The following TUBGCP2 variants were observed in gnomAD, a reference collection of about 807,000 sequenced individuals.
TUBGCP2 encodes gamma-tubulin complex component 2.
Under a neutral mutation model 92.2 loss-of-function variants are expected in TUBGCP2, and 55 were observed. The ratio of observed to expected loss-of-function variants is 0.60; its 90% CI spans 0.48 to 0.75. The LOEUF (loss-of-function observed/expected upper bound fraction) is 0.75. Ranked by LOEUF, TUBGCP2 falls within the 30% of genes least tolerant of loss-of-function variation. The pLI, the probability that TUBGCP2 is intolerant of heterozygous loss-of-function variation, is 0.00. For synonymous variants in TUBGCP2, 533 were observed against 505.2 expected (o/e 1.06, Z -0.74); for missense variants, 1,093 against 1,188.9 (o/e 0.92, Z 1.19).
At chr10:133,282,401 G>GA (rs1847007363) in intron 15 of TUBGCP2, 59 bp from the exon 16 acceptor site, 4 of 1,525,792 alleles carry the variant, frequency 2.6e-6, no homozygotes, top group Admixed American at 2.1e-5. Flanking sequence ...ATGCTTTGCA[G>GA]AAAAAACAAG....
chr10:133,312,003 G>T, upstream of TUBGCP2: 1 of 1,594,630 alleles, frequency 6.3e-7, no homozygotes. Context: ...GATATCTCAG[G>T]TCCTGTGAAT....
intron 4 of TUBGCP2, 26 bp downstream of exon 4, chr10:133,299,401 C>G: frequency 6.5e-7 from 1 of 1,548,952 alleles, no homozygotes; most frequent in Non-Finnish European, 8.7e-7. Flanking sequence ...CAGCATGGAG[C>G]CTGTGGACAG....
chr10:133,299,344 G>A (rs1313310734), intron 4 of TUBGCP2, 83 bp downstream of exon 4: 3 of 1,241,496 alleles, frequency 2.4e-6, no homozygotes, highest in Non-Finnish European at 3.3e-6. Context: ...GCCCGGCACA[G>A]CACTGAGTGT....
At chr10:133,310,628 C>A (rs920723231), upstream of TUBGCP2, 4 of 336,164 alleles carry the variant, frequency 1.2e-5, no homozygotes, top group African/African-American at 8.5e-5. Flanking sequence ...GTCATCCGCA[C>A]TCACACCCCT....
In TUBGCP2 at chr10:133,289,720, CCACAGGGTGAGG is replaced by C. The variant is rs917830668; in HGVS notation, c.1360+92_1360+103del. 17 of 1,357,284 alleles carry C rather than the reference CCACAGGGTGAGG, an allele frequency of 1.3e-5. No homozygotes were observed. The African/African-American group carries it at 2.6e-4, about 21-fold the overall frequency. The allele number at this position is 1,357,284 out of a possible 1,614,324, so 84.1% of individuals were successfully genotyped here. ...TCACGGACACCAGGGCTCAGGGCAA[CCACAGGGTGAGG>C]CACAGGCTCCCGGTGGGAGGGCCTG... On this transcript the variant is annotated intron_variant, in intron 9 of 17. Coordinates refer to ENST00000252936, the MANE Select transcript of TUBGCP2 (RefSeq NM_006659.4).
At chr10:133,310,120 G>T (rs548745130), upstream of TUBGCP2, 3 of 1,612,474 alleles carry the variant, frequency 1.9e-6, no homozygotes, top group East Asian at 4.5e-5. Flanking sequence ...TGGCGGTGGG[G>T]GAGGGCCAGG....
upstream of TUBGCP2, chr10:133,311,667 G>T: frequency 6.7e-7 from 1 of 1,490,998 alleles, no homozygotes; most frequent in Non-Finnish European, 9.2e-7. Context: ...GGGAACACAG[G>T]GGCTGTGGGA....
intron 16 of TUBGCP2, 28 bp downstream of exon 16, chr10:133,282,195 T>G: frequency 6.2e-7 from 1 of 1,611,144 alleles, no homozygotes; most frequent in Non-Finnish European, 8.5e-7. Flanking sequence ...GAAGCGTCTC[T>G]CTCTGGCCAA....
upstream of TUBGCP2, chr10:133,311,976 C>T (rs1441802812): frequency 1.2e-6 from 2 of 1,610,044 alleles, no homozygotes; most frequent in Admixed American, 3.4e-5. Context: ...TCGGCTTCCG[C>T]CAGAGAAGAA....
In TUBGCP2 at chr10:133,302,971, A is replaced by G. The variant is rs1217163003; in HGVS notation, c.-30T>C. On this transcript the variant is annotated 5_prime_UTR_variant, in exon 2 of 18. Transcript: ENST00000252936. ...TTAGCTCTGAGGCACGAACATCACAATATGTTCTCCTATAGGTAAGAAGAC... is the reference window on the plus strand; with the variant it reads ...TTAGCTCTGAGGCACGAACATCACAGTATGTTCTCCTATAGGTAAGAAGAC... 3.1e-6 allele frequency: 5 copies of G among 1,613,280 alleles called. No homozygotes were observed. The highest frequency in any genetic ancestry group is 4.2e-6 in the Non-Finnish European group (5 of 1,179,448).
chr10:133,310,506 C>A, upstream of TUBGCP2: 1 of 592,798 alleles, frequency 1.7e-6, no homozygotes, highest in Non-Finnish European at 2.9e-6. Context: ...CCTGGCTGCC[C>A]AGCTCTGTGC....
chr10:133,291,076 G>C, intron 8 of TUBGCP2: 1 of 237,148 alleles, frequency 4.2e-6, no homozygotes, highest in Non-Finnish European at 8.3e-6. Flanking sequence ...GGACCTAATT[G>C]GAGGCAATTT....
chr10:133,311,542 C>T, upstream of TUBGCP2: 1 of 592,204 alleles, frequency 1.7e-6, no homozygotes, highest in Non-Finnish European at 3.0e-6. Context: ...TTGCTGTAAT[C>T]ATTCTCCTTT....
intron 1 of TUBGCP2, 114 bp from the exon 2 acceptor site, chr10:133,303,094 G>A (rs1356785646): frequency 2.1e-6 from 2 of 947,990 alleles, no homozygotes; most frequent in Admixed American, 2.3e-5. Flanking sequence ...TTATCACCTG[G>A]CCTGCCTGGC....
At chr10:133,310,142 G>A (rs908007298), upstream of TUBGCP2, 7 of 1,613,378 alleles carry the variant, frequency 4.3e-6, no homozygotes, top group South Asian at 1.1e-5. Flanking sequence ...GTCAGAGGGA[G>A]GTGACACGGT....
intron 11 of TUBGCP2, 135 bp downstream of exon 11, chr10:133,287,994 C>T: frequency 8.1e-7 from 1 of 1,236,920 alleles, no homozygotes; most frequent in East Asian, 2.7e-5. Context: ...CCCCGGTAGC[C>T]AAGTGAAGGA....
At chr10:133,307,928 G>C (rs2995335) in intron 1 of TUBGCP2, among the ~76,000 whole-genome samples, 30,968 of 152,124 alleles carry the variant, frequency 0.2, 3,856 homozygotes, top group African/African-American at 0.34. Context: ...CTGTAACACA[G>C]AGATATTTGT....
chr10:133,291,124 T>G lies in TUBGCP2; in HGVS notation c.1215-1155A>C. ...ACAAAAGAATAAGGCCATAAGCAGC[T>G]GGGCCATTCCTGCCCTGGGCCCCAT... is the stretch of plus-strand genomic sequence containing the variant. On this transcript the variant is annotated intron_variant, in intron 8 of 17. Coordinates refer to ENST00000252936, the MANE Select transcript of TUBGCP2 (RefSeq NM_006659.4). The G allele has an allele frequency of 6.0e-6, 2 of 331,782 alleles. 1 individual carries two copies. Among genetic ancestry groups the G allele is most frequent in the Non-Finnish European group, 1.1e-5 (2 of 177,932 alleles). The allele number at this position is 331,782 out of a possible 1,614,324, so 20.6% of individuals were successfully genotyped here. A position where few individuals can be genotyped will look rare whatever the true frequency, so the allele number is the denominator to read the frequency against.
At position 133,300,038 on chromosome 10, in the gene TUBGCP2, T is replaced by C. The variant is rs1437168642; in HGVS notation, c.226A>G (p.Arg76Gly). 13 of 1,614,090 alleles carry C rather than the reference T, an allele frequency of 8.1e-6. No individual in the cohort carries two copies. Among genetic ancestry groups the C allele is most frequent in the Non-Finnish European group, 1.1e-5 (13 of 1,180,050 alleles). ...AGGTACACCAGCGGGTCAAGGTTCC[T>C]TGTATTTTTAGATTTCAGTTCATCA... ...KYDELKSKNT[R>G]NLDPLVYLLS... The change falls in exon 3 of 18, where the codon AGG becomes GGG. Residue 76 changes from arginine (R) to glycine (G), a missense_variant. By Grantham distance (125) the Arg-to-Gly change is moderately radical. Transcript: ENST00000252936.
Sources: allele counts gnomAD v4.1 joint callset (sites outside exome capture counted in the v4.1 genomes callset), GRCh38; gene constraint gnomAD v4.1.1; transcripts MANE v1.5; gene names NCBI Gene and HGNC (gene_info 2026-07-23, HGNC 2026-07-21).